Variants in APRT observed in about 807,000 individuals in gnomAD.
The protein encoded by APRT is adenine phosphoribosyltransferase.
APRT carries 25 observed loss-of-function variants against 21.0 expected under a neutral mutation model. That is an observed-to-expected ratio of 1.19 (90% CI 0.87 to 1.66). The LOEUF (loss-of-function observed/expected upper bound fraction) is 1.66. APRT is among the 40% of genes most tolerant of loss of function. APRT has a pLI of 0.00. For synonymous variants in APRT, 153 were observed against 109.0 expected (o/e 1.40, Z -2.52); for missense variants, 294 against 232.7 (o/e 1.26, Z -1.72).
chr16:88,810,854 C>G (rs1395966314), intron 2 of APRT, among the ~76,000 whole-genome samples: 7 of 152,186 alleles, frequency 4.6e-5, no homozygotes, highest in Non-Finnish European at 8.8e-5. Context: ...CCTCAGCTTA[C>G]TCTCAAAGGC....
Position 88,811,574 on chromosome 16 carries a change from C to T in APRT, c.163G>A (p.Gly55Arg), listed in dbSNP as rs759938204. 2 of 1,600,906 alleles carry T rather than the reference C, an allele frequency of 1.2e-6. No individual in the cohort carries two copies. Among genetic ancestry groups the T allele is most frequent in the Non-Finnish European group, 1.7e-6 (2 of 1,174,900 alleles). Residue 55 changes from glycine to arginine, a missense_variant, in exon 2 of 5, where the codon GGG becomes AGG. Physicochemically the swap from Gly to Arg is moderately radical, Grantham distance 125 (BLOSUM62 -2). Coordinates refer to ENST00000378364, the MANE Select transcript of APRT (RefSeq NM_000485.3). ...LLARHLKATHGGRIDYIAGLD... is the reference protein window; with the variant it reads ...LLARHLKATHRGRIDYIAGLD... ...CCTGCGATGTAGTCGATGCGGCCCC[C>T]GTGGGTCGCCTTCAGGTGTCGCGCC...
At chr16:88,810,935 C>T (rs767640087) in intron 2 of APRT, among the ~76,000 whole-genome samples, 1 of 152,046 alleles carries the variant, frequency 6.6e-6, no homozygotes, top group Non-Finnish European at 1.5e-5. Context: ...GGTTGGGGGA[C>T]GCTCAGGGAA....
chr16:88,810,302 C>T, intron 3 of APRT, 121 bp downstream of exon 3: 1 of 1,528,838 alleles, frequency 6.5e-7, no homozygotes, highest in Non-Finnish European at 8.9e-7. Flanking sequence ...CTCTGAGCTC[C>T]CAAGGCCACT....
At chr16:88,811,715 C>A in intron 1 of APRT, 59 bp from the exon 2 acceptor site, 1 of 1,504,340 alleles carries the variant, frequency 6.6e-7, no homozygotes, top group Non-Finnish European at 8.9e-7. Flanking sequence ...GCCCCGGGGG[C>A]GAAAGACGAG....
intron 1 of APRT, 57 bp downstream of exon 1, chr16:88,811,763 C>A: frequency 1.3e-6 from 2 of 1,512,718 alleles, no homozygotes; most frequent in Non-Finnish European, 8.9e-7. Context: ...GCGGGCCACG[C>A]GCTCCCATCC....
Position 88,810,567 on chromosome 16 carries a change from A to G in APRT, c.188-11T>C. The G allele has an allele frequency of 1.2e-6, 2 of 1,610,270 alleles. No individual in the cohort carries two copies. Among genetic ancestry groups the G allele is most frequent in the South Asian group, 1.1e-5 (1 of 90,646 alleles). ...CTCGGGAGTCTAGGCCTGTCAGGGTAAGTGACAGGAGTGACTCGGCAGCAT... is the reference window on the plus strand; with the variant it reads ...CTCGGGAGTCTAGGCCTGTCAGGGTGAGTGACAGGAGTGACTCGGCAGCAT... On this transcript the variant is annotated splice_polypyrimidine_tract_variant and intron_variant, in intron 2 of 4. Coordinates refer to ENST00000378364, the MANE Select transcript of APRT (RefSeq NM_000485.3).
In APRT at chr16:88,810,050, G is replaced by A. The variant is rs1909054324; in HGVS notation, c.400+20C>T. The A allele has an allele frequency of 5.6e-6, 9 of 1,612,250 alleles. No homozygotes were observed. The highest frequency in any genetic ancestry group is 1.7e-5 in the Admixed American group (1 of 60,002). ...CCAGGCCCTTGGAGCCACAGCAGTTGGCTGCGGGGAGACCCTTACCACCAG... is the reference window on the plus strand; with the variant it reads ...CCAGGCCCTTGGAGCCACAGCAGTTAGCTGCGGGGAGACCCTTACCACCAG... On this transcript the variant is annotated intron_variant, in intron 4 of 4. Transcript: ENST00000378364.
In APRT at chr16:88,809,792, A is replaced by G. The variant is rs1909038809; in HGVS notation, c.449T>C (p.Val150Ala). The stretch of plus-strand genomic sequence containing the variant: ...CTCCACCAGGCTCACGCACTCCAGG[A>G]CCTCAGCCTGCAGGCGGCCCAGCAG... ...CELLGRLQAE[V>A]LECVSLVELT... is the part of the protein sequence containing the mutation. Residue 150 changes from valine to alanine, a missense_variant, in exon 5 of 5, where the codon GTC becomes GCC. Physicochemically the swap from Val to Ala is moderately conservative, Grantham distance 64 (BLOSUM62 0). Coordinates refer to ENST00000378364, the MANE Select transcript of APRT (RefSeq NM_000485.3). 1 of 1,613,122 alleles carries G rather than the reference A, an allele frequency of 6.2e-7. No individual in the cohort carries two copies.
intron 2 of APRT, 102 bp downstream of exon 2, chr16:88,811,448 G>T: frequency 3.1e-6 from 4 of 1,271,638 alleles, no homozygotes; most frequent in Non-Finnish European, 4.4e-6. Flanking sequence ...GCCCCCTGAA[G>T]CACCCCAAAG....
chr16:88,810,180 C>T (rs371083680), intron 3 of APRT, 32 bp from the exon 4 acceptor site: 47 of 1,607,678 alleles, frequency 2.9e-5, no homozygotes, highest in Middle Eastern at 3.3e-4. Context: ...GGTCCTCAGC[C>T]TCCCGCAGAA....
intron 2 of APRT, 43 bp downstream of exon 2, chr16:88,811,507 C>T: frequency 6.5e-7 from 1 of 1,530,822 alleles, no homozygotes; most frequent in Non-Finnish European, 8.8e-7. Context: ...CCTCGGCGCG[C>T]GCAGAGGCGG....
At chr16:88,810,585 G>A (rs777810493) in intron 2 of APRT, 29 bp from the exon 3 acceptor site, 35 of 1,606,852 alleles carry the variant, frequency 2.2e-5, no homozygotes, top group Admixed American at 3.4e-5. Context: ...GGAGTGACTC[G>A]GCAGCATGGG....
At chr16:88,811,495 G>A (rs1212626558) in intron 2 of APRT, 55 bp downstream of exon 2, 2 of 1,496,862 alleles carry the variant, frequency 1.3e-6, no homozygotes, top group East Asian at 2.5e-5. Context: ...CCCACGTGCT[G>A]CCCTCGGCGC....
chr16:88,811,116 C>T (rs1567505372), intron 2 of APRT: 1 of 354,036 alleles, frequency 2.8e-6, no homozygotes, highest in South Asian at 5.0e-5. Flanking sequence ...ACTCTGTTCT[C>T]CCTGGGCCAC....
chr16:88,809,755 A>G lies in APRT; in HGVS notation c.486T>C (p.Leu162=), dbSNP rs1909036439. The G allele has an allele frequency of 5.0e-6, 8 of 1,613,346 alleles. No homozygotes were observed. The highest frequency in any genetic ancestry group is 6.8e-6 in the Non-Finnish European group (8 of 1,180,000). ...CAGGTGCCAGCTTCTCCCTGCCCTT[A>G]AGCGAGGTCAGCTCCACCAGGCTCA... ...ECVSLVELTS[L]KGREKLAPVP... The change falls in exon 5 of 5, where the codon CTT becomes CTC. Residue 162 remains leucine, a synonymous_variant. Coordinates refer to ENST00000378364, the MANE Select transcript of APRT (RefSeq NM_000485.3).
rs766477503 is a variant in APRT, at chr16:88,811,921, G to A, written c.-22C>T. The A allele has an allele frequency of 7.2e-6, 11 of 1,536,492 alleles. No homozygotes were observed. The highest frequency in any genetic ancestry group is 3.6e-5 in the South Asian group (3 of 83,470). ...CCATGGCCGCGTGCGAAGAGCCAGC[G>A]GCAGCCCGAGCGCGCCTGCGCGGGG... On this transcript the variant is annotated 5_prime_UTR_variant, in exon 1 of 5. Transcript: ENST00000378364.
At position 88,809,853 on chromosome 16, in the gene APRT, G is replaced by A. The variant is rs989930459; in HGVS notation, c.401-13C>T. The A allele has an allele frequency of 1.9e-6, 3 of 1,609,886 alleles. No homozygotes were observed. The highest frequency in any genetic ancestry group is 2.2e-5 in the South Asian group (2 of 91,026). On this transcript the variant is annotated splice_polypyrimidine_tract_variant and intron_variant, in intron 4 of 4. Transcript: ENST00000378364. ...GCGTTCATGGTTCCTGGGGATGGGAGGGTGAGGTCCCCAGTTGGCCTGGGC... is the reference window on the plus strand; with the variant it reads ...GCGTTCATGGTTCCTGGGGATGGGAAGGTGAGGTCCCCAGTTGGCCTGGGC...
rs750354445 is a variant in APRT at position 88,811,611 on chromosome 16, G to A, written c.126C>T (p.Ala42=). The A allele has an allele frequency of 5.0e-6, 8 of 1,604,392 alleles. No homozygotes were observed. The South Asian group carries it at 5.6e-5, about 11-fold the overall frequency. The part of the protein sequence containing the change: ...VLKDPASFRA[A]IGLLARHLKA... ...TCAGGTGTCGCGCCAGGAGGCCGAT[G>A]GCGGCGCGGAAGGAGGCGGGGTCCT... Residue 42 remains alanine, a synonymous_variant, in exon 2 of 5, where the codon GCC becomes GCT. Transcript: ENST00000378364.
In APRT at chr16:88,809,584, C is replaced by A. The variant is rs1260619445; in HGVS notation, c.*114G>T. ...CCAGCCCCAGGAGAGGCGCTGAACCCCAGCAAAGGAATGTGTTCCCTGTGG... is the reference window on the plus strand; with the variant it reads ...CCAGCCCCAGGAGAGGCGCTGAACCACAGCAAAGGAATGTGTTCCCTGTGG... On this transcript the variant is annotated 3_prime_UTR_variant, in exon 5 of 5. Transcript: ENST00000378364. The A allele has an allele frequency of 1.3e-6, 2 of 1,530,302 alleles. No individual in the cohort carries two copies. The highest frequency in any genetic ancestry group is 2.3e-5 in the South Asian group (2 of 88,258). 94.8% of individuals were successfully genotyped at this position (1,530,302 alleles called of 1,614,324 possible).
Sources: gnomAD v4.1 joint callset for allele counts (sites outside exome capture counted in the v4.1 genomes callset) on GRCh38, gnomAD v4.1.1 for gene constraint, MANE v1.5 for transcripts, NCBI Gene and HGNC (gene_info 2026-07-23, HGNC 2026-07-21) for gene names.